Variants in LDB2 observed in about 807,000 individuals in gnomAD.
The protein encoded by LDB2 is LIM domain-binding protein 2.
LDB2 carries 12 observed loss-of-function variants against 44.3 expected under a neutral mutation model. The observed-to-expected ratio is 0.27, with a 90% CI of 0.17 to 0.44. The LOEUF (loss-of-function observed/expected upper bound fraction) is 0.44, where lower values mean the gene tolerates loss of function less well. Among genes scored for constraint, LDB2 ranks in the 20% least tolerant of loss-of-function variants. The probability of loss-of-function intolerance (pLI) is 1.00; values close to 1 mark genes in which losing one functional copy is unlikely to be tolerated. For synonymous variants in LDB2, 164 were observed against 174.8 expected, an observed-to-expected ratio of 0.94 and a Z score of 0.49; for missense variants, 344 against 473.5, an observed-to-expected ratio of 0.73 and a Z score of 2.54.
At chr4:16,578,148 G>A (rs944349208) in intron 5 of LDB2, among the ~76,000 whole-genome samples, 16 of 152,084 alleles carry the variant, frequency 1.1e-4, no homozygotes, top group African/African-American at 3.9e-4. Flanking sequence ...CACGACTTTG[G>A]ACTGAGCAAA....
intron 1 of LDB2, among the ~76,000 whole-genome samples, chr4:16,827,307 G>C (rs1199048246): frequency 6.6e-6 from 1 of 152,188 alleles, no homozygotes; most frequent in African/African-American, 2.4e-5. Context: ...GCTGGATACA[G>C]GTTGAGATTT....
intron 2 of LDB2, among the ~76,000 whole-genome samples, chr4:16,744,151 G>T (rs1281477431): frequency 6.7e-6 from 1 of 148,626 alleles, no homozygotes; most frequent in Non-Finnish European, 1.5e-5. Context: ...CATGTGGTTT[G>T]TTTGTTTGTT....
intron 5 of LDB2, among the ~76,000 whole-genome samples, chr4:16,550,033 T>C (rs1275629212): frequency 6.6e-6 from 1 of 152,188 alleles, no homozygotes; most frequent in East Asian, 1.9e-4. Context: ...AATTGAGTCT[T>C]CAGGAATTCT....
intron 5 of LDB2, among the ~76,000 whole-genome samples, chr4:16,515,211 C>T (rs889340635): frequency 6.6e-6 from 1 of 152,148 alleles, no homozygotes; most frequent in Non-Finnish European, 1.5e-5. Context: ...TGCATATTCT[C>T]ACTTACAAAA....
chr4:16,659,315 C>T (rs1386376633), intron 2 of LDB2, among the ~76,000 whole-genome samples: 1 of 152,070 alleles, frequency 6.6e-6, no homozygotes, highest in East Asian at 1.9e-4. Flanking sequence ...TGGATAAATC[C>T]CTGGGTCGGC....
At chr4:16,849,938 T>G (rs1300831971) in intron 1 of LDB2, among the ~76,000 whole-genome samples, 1 of 152,144 alleles carries the variant, frequency 6.6e-6, no homozygotes, top group Non-Finnish European at 1.5e-5. Flanking sequence ...AAAACAAAAC[T>G]GTGAAAAGTA....
intron 5 of LDB2, among the ~76,000 whole-genome samples, chr4:16,541,542 T>C (rs1048346258): frequency 6.6e-6 from 1 of 152,224 alleles, no homozygotes; most frequent in Non-Finnish European, 1.5e-5. Context: ...TAAACCATGA[T>C]TGGGGTTCCT....
At chr4:16,572,356 C>A (rs931768799) in intron 5 of LDB2, among the ~76,000 whole-genome samples, 9 of 152,116 alleles carry the variant, frequency 5.9e-5, no homozygotes, top group African/African-American at 2.2e-4. Context: ...GCCAATTTCC[C>A]ACCTTACCGT....
chr4:16,864,798 G>A lies in LDB2; in HGVS notation c.132+33556C>T, dbSNP rs534282643. 1.2e-4 allele frequency among the ~76,000 whole-genome samples: 19 copies of A among 152,148 alleles called. No homozygotes were observed. The South Asian group carries it at 1.9e-3, about 15-fold the overall frequency. On this transcript the variant is annotated intron_variant, in intron 1 of 7. Transcript: ENST00000304523. ...AAATTAGCTGGGCGTGGTGGCGGGC[G>A]CCTGTAATCCCAGCTACTTGGGAGG...
chr4:16,791,924 GA>G (rs1410964690), intron 1 of LDB2, among the ~76,000 whole-genome samples: 1 of 152,164 alleles, frequency 6.6e-6, no homozygotes, highest in Non-Finnish European at 1.5e-5. Flanking sequence ...TTTACATGGG[GA>G]AAGCTTGAAG....
intron 1 of LDB2, among the ~76,000 whole-genome samples, chr4:16,879,878 T>A (rs1451670462): frequency 6.6e-6 from 1 of 152,176 alleles, no homozygotes; most frequent in Non-Finnish European, 1.5e-5. Context: ...TCATTCACAC[T>A]GCATTCTATG....
At chr4:16,887,220 G>GAA (rs77393745) in intron 1 of LDB2, among the ~76,000 whole-genome samples, 4 of 128,638 alleles carry the variant, frequency 3.1e-5, no homozygotes, top group African/African-American at 1.1e-4. Flanking sequence ...GCTAAGACTT[G>GAA]AAAAAAAAAA....
At chr4:16,649,318 T>G (rs1440608844) in intron 2 of LDB2, among the ~76,000 whole-genome samples, 1 of 152,236 alleles carries the variant, frequency 6.6e-6, no homozygotes, top group Non-Finnish European at 1.5e-5. Flanking sequence ...GTAAAATGTA[T>G]GACCAAAGTC....
At chr4:16,744,951 G>A (rs1165316928) in intron 2 of LDB2, among the ~76,000 whole-genome samples, 4 of 152,214 alleles carry the variant, frequency 2.6e-5, no homozygotes, top group Admixed American at 2.6e-4. Context: ...GTGTATCAGG[G>A]ATTGTATGTA....
chr4:16,559,657 C>T (rs1336845725), intron 5 of LDB2, among the ~76,000 whole-genome samples: 15 of 151,992 alleles, frequency 9.9e-5, no homozygotes, highest in Admixed American at 6.6e-4. Context: ...GACAGATCAA[C>T]GAGACAGAAA....
intron 2 of LDB2, among the ~76,000 whole-genome samples, chr4:16,604,204 T>A (rs1411032623): frequency 1.3e-5 from 2 of 152,176 alleles, no homozygotes; most frequent in Non-Finnish European, 2.9e-5. Flanking sequence ...TTTGGATACT[T>A]AACATTTCTT....
At position 16,582,008 on chromosome 4, in the gene LDB2, A is replaced by AGGGAAGGAAG; in HGVS notation, c.615+3913_615+3914insCTTCCTTCCC. ...GGAAGGAAGGGAAGGAAGGGAAGGA[A>AGGGAAGGAAG]GGAAGGAAGGAAGGAAGGAAGGAAG... On this transcript the variant is annotated intron_variant, in intron 5 of 7. Coordinates refer to ENST00000304523, the MANE Select transcript of LDB2 (RefSeq NM_001290.5). This position sits in a 1 kb window ranked among gnomAD's most constrained non-coding sequence, Gnocchi z 4.8. 1.1e-5 allele frequency among the ~76,000 whole-genome samples: 1 copy of AGGGAAGGAAG among 88,076 alleles called. No homozygotes were observed. Among genetic ancestry groups the AGGGAAGGAAG allele is most frequent in the Non-Finnish European group, 2.7e-5 (1 of 37,484 alleles). 57.8% of individuals were successfully genotyped at this position (88,076 alleles called of 152,430 possible).
At chr4:16,879,511 G>A (rs1180139367) in intron 1 of LDB2, among the ~76,000 whole-genome samples, 1 of 152,190 alleles carries the variant, frequency 6.6e-6, no homozygotes, top group Non-Finnish European at 1.5e-5. Flanking sequence ...AAATGGCAGA[G>A]GAAAGTTGGC....
At chr4:16,711,941 A>T (rs995261954) in intron 2 of LDB2, among the ~76,000 whole-genome samples, 1 of 152,262 alleles carries the variant, frequency 6.6e-6, no homozygotes, top group African/African-American at 2.4e-5. Context: ...TAATAAATTT[A>T]AAGTGGATCA....
Sources: gnomAD v4.1 joint callset for allele counts (sites outside exome capture counted in the v4.1 genomes callset) on GRCh38, gnomAD v4.1.1 for gene constraint, Gnocchi (gnomAD v3.1) non-coding constraint, MANE v1.5 for transcripts, NCBI Gene and HGNC (gene_info 2026-07-23, HGNC 2026-07-21) for gene names.